IFT140: variants seen among roughly 807,000 people sequenced by gnomAD.
IFT140 encodes the protein intraflagellar transport protein 140 homolog.
IFT140 carries 133 observed loss-of-function variants against 164.6 expected under a neutral mutation model. That is an observed-to-expected ratio of 0.81 (90% confidence interval 0.70 to 0.93). The LOEUF is 0.93. IFT140 is among the 40% of genes least tolerant of loss of function. The pLI is 0.00. For synonymous variants in IFT140, 860 were observed against 817.3 expected, an observed-to-expected ratio of 1.05 and a Z score of -0.89; for missense variants, 2,045 against 1,972.3, an observed-to-expected ratio of 1.04 and a Z score of -0.70.
At chr16:1,546,731 C>CTGT (rs2032209058) in intron 19 of IFT140, among the ~76,000 whole-genome samples, 1 of 152,222 alleles carries the variant, frequency 6.6e-6, no homozygotes, top group Admixed American at 6.5e-5. Flanking sequence ...CTGGCTTTCA[C>CTGT]ACAGGGCCCG....
chr16:1,512,934 G>A (rs140601996), intron 30 of IFT140: 1 of 152,216 alleles, frequency 6.6e-6, no homozygotes, highest in Non-Finnish European at 1.5e-5. Context: ...TGTGTCTCAC[G>A]GAGCTGACCT....
In IFT140 at chr16:1,568,093, CT is replaced by C. The variant is rs1180446234; in HGVS notation, c.1770+123del. The C allele has an allele frequency of 7.5e-5, 52 of 694,000 alleles. No homozygotes were observed. The South Asian group carries it at 8.8e-4, about 12-fold the overall frequency. The allele number at this position is 694,000 out of a possible 1,614,324, so 43.0% of individuals were successfully genotyped here. A position where few individuals can be genotyped will look rare whatever the true frequency, so the allele number is the denominator to read the frequency against. On this transcript the variant is annotated intron_variant, in intron 15 of 30. Coordinates refer to ENST00000426508, the MANE Select transcript of IFT140 (RefSeq NM_014714.4). ...GGAGACGAGGGGAAGGAGAGTGGGG[CT>C]GAACAGAACACAGGACAGGAAGACT... is the stretch of plus-strand genomic sequence containing the variant.
chr16:1,528,385 G>A (rs2030003783), intron 19 of IFT140, among the ~76,000 whole-genome samples: 1 of 148,402 alleles, frequency 6.7e-6, no homozygotes, highest in African/African-American at 2.5e-5. Context: ...GCACGCACGT[G>A]TGCACACACA....
At chr16:1,516,211 T>C (rs1403907839) in intron 30 of IFT140, among the ~76,000 whole-genome samples, 1 of 122,426 alleles carries the variant, frequency 8.2e-6, no homozygotes, top group East Asian at 2.5e-4. Flanking sequence ...TGTAGGTAAA[T>C]GTAAAAGACT....
intron 4 of IFT140, among the ~76,000 whole-genome samples, chr16:1,595,558 T>G (rs1356959915): frequency 1.4e-5 from 2 of 142,700 alleles, no homozygotes; most frequent in Admixed American, 7.2e-5. Flanking sequence ...GAGGTTGCAG[T>G]GCCATTGCAC....
chr16:1,602,799 G>A (rs1438258606), intron 3 of IFT140, among the ~76,000 whole-genome samples: 2 of 152,144 alleles, frequency 1.3e-5, no homozygotes, highest in Non-Finnish European at 2.9e-5. Flanking sequence ...AATTAGCCAG[G>A]TGTGATGGCG....
chr16:1,579,725 G>C (rs1356177705), intron 13 of IFT140, among the ~76,000 whole-genome samples: 1 of 152,124 alleles, frequency 6.6e-6, no homozygotes, highest in Non-Finnish European at 1.5e-5. Context: ...CCAGCACTTT[G>C]GGAGGCCAAG....
Position 1,571,453 on chromosome 16 carries a change from C to A in IFT140, c.1606G>T (p.Val536Leu). 1 of 1,614,198 alleles carries A rather than the reference C, an allele frequency of 6.2e-7. No homozygotes were observed. The highest frequency in any genetic ancestry group is 8.5e-7 in the Non-Finnish European group (1 of 1,180,028). The change falls in exon 14 of 31, where the codon GTA becomes TTA. Residue 536 changes from valine to leucine, a missense_variant. Physicochemically the swap from Val to Leu is conservative, Grantham distance 32. Coordinates refer to ENST00000426508, the MANE Select transcript of IFT140 (RefSeq NM_014714.4). ...FLDICGNFLVVGTDLAHFKSF... is the reference protein window; with the variant it reads ...FLDICGNFLVLGTDLAHFKSF... ...TTAAAGTGAGCCAAGTCTGTCCCTACAACCAGGAAATTCCCACAGATGTCC... is the reference window on the plus strand; with the variant it reads ...TTAAAGTGAGCCAAGTCTGTCCCTAAAACCAGGAAATTCCCACAGATGTCC...
At chr16:1,552,057 G>A (rs1486261739) in intron 19 of IFT140, among the ~76,000 whole-genome samples, 5 of 152,200 alleles carry the variant, frequency 3.3e-5, no homozygotes, top group Non-Finnish European at 1.5e-5. Context: ...GACCCTGGAA[G>A]CCATGGGGGG....
intron 4 of IFT140, among the ~76,000 whole-genome samples, chr16:1,596,247 G>A (rs2035458435): frequency 6.6e-6 from 1 of 151,008 alleles, no homozygotes; most frequent in African/African-American, 2.4e-5. Context: ...AGTGGCTCCC[G>A]TGTCTGCAAA....
intron 13 of IFT140, 124 bp from the exon 14 acceptor site, chr16:1,571,658 A>G (rs1386587622): frequency 1.8e-5 from 19 of 1,031,518 alleles, no homozygotes; most frequent in Non-Finnish European, 2.5e-5. Flanking sequence ...GTTCACAGAT[A>G]ACCTTGTACA....
At chr16:1,596,933 A>C (rs13334027) in intron 4 of IFT140, among the ~76,000 whole-genome samples, 9,433 of 152,238 alleles carry the variant, frequency 0.062, 304 homozygotes, top group East Asian at 0.09. Context: ...AATTTTATAC[A>C]GTAAGACCGT....
intron 30 of IFT140, among the ~76,000 whole-genome samples, chr16:1,512,543 G>A (rs554082724): frequency 9.9e-5 from 15 of 152,258 alleles, no homozygotes; most frequent in African/African-American, 2.4e-4. Context: ...AGAAGTTGGC[G>A]AAATATTTAA....
intron 24 of IFT140, chr16:1,524,299 C>T: frequency 1.6e-6 from 1 of 620,920 alleles, no homozygotes; most frequent in Middle Eastern, 4.4e-4. Flanking sequence ...TGAGCAGCCT[C>T]ACCACCCACT....
At position 1,531,778 on chromosome 16, in the gene IFT140, C is replaced by A. The variant is rs998603628; in HGVS notation, c.2400-4982G>T. 6.6e-6 allele frequency: 1 copy of A among 152,204 alleles called. No homozygotes were observed. Among genetic ancestry groups the A allele is most frequent in the African/African-American group, 2.4e-5 (1 of 41,428 alleles). 9.4% of individuals were successfully genotyped at this position (152,204 alleles called of 1,614,324 possible). ...AGTGCCAGGAGAGTGGAGGCCGATG[C>A]TGGCCTCTGCGAACCAGGACTTCTG... is the stretch of plus-strand genomic sequence containing the variant. On this transcript the variant is annotated intron_variant, in intron 19 of 30. Transcript: ENST00000426508. The surrounding 1 kb of genome is among the most constrained non-coding windows in gnomAD (Gnocchi z 4.7).
chr16:1,541,461 G>A (rs969244178), intron 19 of IFT140: 32 of 985,394 alleles, frequency 3.2e-5, no homozygotes, highest in African/African-American at 1.9e-4. Flanking sequence ...AGGACAGCAC[G>A]CCTGAGGAGC....
intron 10 of IFT140, among the ~76,000 whole-genome samples, chr16:1,585,103 T>C (rs929224681): frequency 6.6e-6 from 1 of 152,210 alleles, no homozygotes; most frequent in African/African-American, 2.4e-5. Context: ...AACCAAATGC[T>C]GCAGAGAAAT....
intron 14 of IFT140, among the ~76,000 whole-genome samples, chr16:1,570,765 G>T (rs1669567954): frequency 6.6e-6 from 1 of 152,062 alleles, no homozygotes; most frequent in African/African-American, 2.4e-5. Context: ...CATTCTAAGT[G>T]ATTTTTTTGA....
intron 19 of IFT140, chr16:1,555,162 C>A (rs9922661): frequency 0.23 from 249,265 of 1,105,822 alleles, 29,853 homozygotes; most frequent in East Asian, 0.36. Context: ...CTGCGCCATG[C>A]GTGCGAGACA....
Sources: allele counts gnomAD v4.1 joint callset (sites outside exome capture counted in the v4.1 genomes callset), GRCh38; gene constraint gnomAD v4.1.1; non-coding constraint Gnocchi (gnomAD v3.1); transcripts MANE v1.5; gene names NCBI Gene and HGNC (gene_info 2026-07-23, HGNC 2026-07-21).